CDYL: variants seen among roughly 807,000 people sequenced by gnomAD.
CDYL encodes chromodomain Y like.
A neutral mutation model predicts 47.3 loss-of-function variants in CDYL; 8 were observed. The observed-to-expected ratio is 0.17, with a 90% CI of 0.10 to 0.31. The LOEUF (loss-of-function observed/expected upper bound fraction) is 0.31. CDYL is among the 10% of genes least tolerant of loss of function. The probability of loss-of-function intolerance (pLI) is 1.00; values close to 1 mark genes in which losing one functional copy is unlikely to be tolerated. For synonymous variants in CDYL, 266 were observed against 265.0 expected (o/e 1.00, Z -0.04); for missense variants, 471 against 701.4 (o/e 0.67, Z 3.71).
intron 1 of CDYL, among the ~76,000 whole-genome samples, chr6:4,861,206 G>A (rs1277198385): frequency 6.6e-6 from 1 of 152,248 alleles, no homozygotes; most frequent in African/African-American, 2.4e-5. Flanking sequence ...CTGGCTATGT[G>A]TATGGCGTAT....
intron 1 of CDYL, among the ~76,000 whole-genome samples, chr6:4,797,427 C>CT (rs77314083): frequency 0.064 from 8,954 of 140,832 alleles, 428 homozygotes; most frequent in African/African-American, 0.14. Flanking sequence ...CTTTTCATTT[C>CT]TTTTTTTTTT....
intron 1 of CDYL, among the ~76,000 whole-genome samples, chr6:4,825,460 A>T (rs1217901833): frequency 6.6e-6 from 1 of 152,094 alleles, no homozygotes; most frequent in East Asian, 1.9e-4. Flanking sequence ...TTCACAATTG[A>T]GTGTATTAGC....
intron 2 of CDYL, among the ~76,000 whole-genome samples, chr6:4,925,540 C>T (rs891880269): frequency 8.6e-5 from 13 of 151,656 alleles, no homozygotes; most frequent in African/African-American, 2.2e-4. Flanking sequence ...CTCAGCCTCC[C>T]GAGTAGCTGG....
intron 1 of CDYL, among the ~76,000 whole-genome samples, chr6:4,800,352 A>AT (rs1415301809): frequency 2.6e-5 from 4 of 152,090 alleles, no homozygotes; most frequent in Non-Finnish European, 5.9e-5. Flanking sequence ...AAGACATATA[A>AT]TTTTTTCAAT....
rs146687801 is a variant in CDYL at position 4,883,507 on chromosome 6, C to G, written c.25-8206C>G. On this transcript the variant is annotated intron_variant, in intron 1 of 6. Transcript: ENST00000397588. Reference sequence around the variant, plus strand: ...ACAGAACACCTGCTAGCACCTCTGGCTGTCTGCCCACCCATACTCATGGCC... The same window carrying G: ...ACAGAACACCTGCTAGCACCTCTGGGTGTCTGCCCACCCATACTCATGGCC... 4.1e-3 allele frequency among the ~76,000 whole-genome samples: 632 copies of G among 152,330 alleles called. 1 individual carries two copies. Among genetic ancestry groups the G allele is most frequent in the African/African-American group, 0.014 (594 of 41,570 alleles).
At chr6:4,842,165 T>C (rs1760518370) in intron 1 of CDYL, among the ~76,000 whole-genome samples, 1 of 141,536 alleles carries the variant, frequency 7.1e-6, no homozygotes, top group South Asian at 2.1e-4. Flanking sequence ...TATAAATATA[T>C]TATATTATAT....
upstream of CDYL, chr6:4,706,151 T>C (rs1241790886): frequency 2.6e-5 from 4 of 152,202 alleles, no homozygotes; most frequent in African/African-American, 4.8e-5. Flanking sequence ...GACCCCTTTG[T>C]TCCTTGAGGA....
intron 4 of CDYL, 96 bp from the exon 5 acceptor site, chr6:4,943,450 G>A (rs1758420063): frequency 5.8e-6 from 5 of 861,996 alleles, no homozygotes; most frequent in South Asian, 1.7e-5. Context: ...GATTTCCGTA[G>A]CATTTACATC....
At chr6:4,891,290 C>T (rs1287876639) in intron 1 of CDYL, among the ~76,000 whole-genome samples, 6 of 152,296 alleles carry the variant, frequency 3.9e-5, no homozygotes, top group Admixed American at 2.6e-4. Flanking sequence ...AGGTTCTCAG[C>T]GCCTTGTAGC....
intron 1 of CDYL, among the ~76,000 whole-genome samples, chr6:4,852,535 T>TCTTC (rs371091747): frequency 0.011 from 818 of 76,592 alleles, 96 homozygotes; most frequent in African/African-American, 0.054. Context: ...TTCCTTCCAA[T>TCTTC]CTTCCTTCCT....
intron 1 of CDYL, among the ~76,000 whole-genome samples, chr6:4,810,875 C>T (rs1759508605): frequency 6.6e-6 from 1 of 152,200 alleles, no homozygotes; most frequent in African/African-American, 2.4e-5. Context: ...AAAGTCTAAC[C>T]TTTTAGTACC....
intron 4 of CDYL, among the ~76,000 whole-genome samples, 155 bp from the exon 5 acceptor site, chr6:4,943,391 A>C (rs1243583939): frequency 6.6e-6 from 1 of 152,198 alleles, no homozygotes; most frequent in South Asian, 2.1e-4. Flanking sequence ...AAATAAGTCT[A>C]GGGTCCACAA....
At chr6:4,915,550 T>A (rs1757533882) in intron 2 of CDYL, among the ~76,000 whole-genome samples, 2 of 152,100 alleles carry the variant, frequency 1.3e-5, no homozygotes, top group African/African-American at 2.4e-5. Flanking sequence ...CACAACTGAC[T>A]AGCATTAACA....
At chr6:4,713,478 G>A (rs1757192616) in intron 1 of CDYL, among the ~76,000 whole-genome samples, 2 of 152,080 alleles carry the variant, frequency 1.3e-5, no homozygotes, top group Admixed American at 1.3e-4. Flanking sequence ...GGTGACTAAA[G>A]ACAACTCGAC....
chr6:4,814,563 G>C (rs963893027), intron 1 of CDYL, among the ~76,000 whole-genome samples: 2 of 152,062 alleles, frequency 1.3e-5, no homozygotes, highest in Non-Finnish European at 2.9e-5. Flanking sequence ...TTGTTCTGTT[G>C]CCCAGGCTGG....
In CDYL at chr6:4,954,212, G is replaced by A; in HGVS notation, c.*156G>A. The stretch of plus-strand genomic sequence containing the variant: ...GAACATCCACGCTATTTATTATCGA[G>A]GAGTTTTAAAGTACTGTAACTTTAA... On this transcript the variant is annotated 3_prime_UTR_variant, in exon 7 of 7. Transcript: ENST00000397588. 1.5e-6 allele frequency: 1 copy of A among 675,262 alleles called. No homozygotes were observed. The highest frequency in any genetic ancestry group is 2.3e-6 in the Non-Finnish European group (1 of 430,714). The allele number at this position is 675,262 out of a possible 1,614,324, so 41.8% of individuals were successfully genotyped here.
chr6:4,875,070 T>C (rs1313912529), intron 1 of CDYL, among the ~76,000 whole-genome samples: 1 of 152,118 alleles, frequency 6.6e-6, no homozygotes, highest in Non-Finnish European at 1.5e-5. Context: ...GGAGTGGAAT[T>C]GCTGAGGGAG....
chr6:4,706,241 G>C (rs1244335442), exon 1 of CDYL: 1 of 152,186 alleles, frequency 6.6e-6, no homozygotes, highest in Non-Finnish European at 1.5e-5. Flanking sequence ...TCATCTCGGG[G>C]AACTAAGCAG....
At chr6:4,745,593 A>C (rs112158099) in intron 3 of CDYL, among the ~76,000 whole-genome samples, 1 of 68 alleles carries the variant, frequency 0.015, no homozygotes, top group Non-Finnish European at 0.045. Context: ...AATAAAAATT[A>C]AAAAAAAAAA....
Sources: gnomAD v4.1 joint callset for allele counts (sites outside exome capture counted in the v4.1 genomes callset) on GRCh38, gnomAD v4.1.1 for gene constraint, MANE v1.5 for transcripts, NCBI Gene and HGNC (gene_info 2026-07-23, HGNC 2026-07-21) for gene names.